Variants in NDST4 observed in about 807,000 individuals in gnomAD.
NDST4 encodes N-deacetylase and N-sulfotransferase 4.
Under a neutral mutation model 100.8 loss-of-function variants are expected in NDST4, and 63 were observed. The observed-to-expected ratio is 0.62, with a 90% CI of 0.51 to 0.77. NDST4 has a LOEUF of 0.77. Ranked by LOEUF, NDST4 falls within the 30% of genes least tolerant of loss-of-function variation. The probability of loss-of-function intolerance (pLI) is 0.00; values close to 1 mark genes in which losing one functional copy is unlikely to be tolerated. For missense variants in NDST4, 943 were observed against 1,018.4 expected (o/e 0.93, Z 1.01); for synonymous variants, 377 against 361.8 (o/e 1.04, Z -0.48).
chr4:114,834,539 A>T (rs1723270597), intron 11 of NDST4, among the ~76,000 whole-genome samples: 1 of 151,152 alleles, frequency 6.6e-6, no homozygotes, highest in Non-Finnish European at 1.5e-5. Flanking sequence ...AAAAAAAGGA[A>T]TACTGGAAAA....
chr4:114,985,962 C>T (rs1461118905), intron 2 of NDST4, among the ~76,000 whole-genome samples: 1 of 152,052 alleles, frequency 6.6e-6, no homozygotes, highest in African/African-American at 2.4e-5. Flanking sequence ...AACTTAGCGT[C>T]GTTAATTTCA....
At chr4:114,963,033 A>G (rs975732083) in intron 4 of NDST4, among the ~76,000 whole-genome samples, 1 of 152,108 alleles carries the variant, frequency 6.6e-6, no homozygotes, top group Non-Finnish European at 1.5e-5. Flanking sequence ...AAAGTTAGTG[A>G]CCCAGTAATT....
At chr4:114,876,126 G>T (rs2126198936) in intron 6 of NDST4, among the ~76,000 whole-genome samples, 1 of 152,240 alleles carries the variant, frequency 6.6e-6, no homozygotes, top group South Asian at 2.1e-4. Context: ...TCTTTGCAGA[G>T]CAAGAAGAGA....
At chr4:115,002,713 GA>G (rs775541768) in intron 2 of NDST4, among the ~76,000 whole-genome samples, 27 of 152,108 alleles carry the variant, frequency 1.8e-4, no homozygotes, top group Admixed American at 1.0e-3. Context: ...TTTGACCCAG[GA>G]ATCCCATTAC....
chr4:114,917,367 G>A (rs1215202405), intron 6 of NDST4, among the ~76,000 whole-genome samples: 1 of 152,140 alleles, frequency 6.6e-6, no homozygotes, highest in Non-Finnish European at 1.5e-5. Flanking sequence ...TTCAACCTTG[G>A]AAGCTGATGG....
chr4:115,076,379 A>G lies in NDST4; in HGVS notation c.658T>C (p.Trp220Arg). 1 of 1,613,970 alleles carries G rather than the reference A, an allele frequency of 6.2e-7. No individual in the cohort carries two copies. Among genetic ancestry groups the G allele is most frequent in the Non-Finnish European group, 8.5e-7 (1 of 1,179,942 alleles). Reference protein sequence around the residue: ...VEKGPLPGEDWTIFQYNHSTY... With the variant: ...VEKGPLPGEDRTIFQYNHSTY... Reference sequence around the variant, plus strand: ...GAATGATTATATTGGAAAATAGTCCAGTCTTCCCCAGGAAGAGGGCCTTTC... The same window carrying G: ...GAATGATTATATTGGAAAATAGTCCGGTCTTCCCCAGGAAGAGGGCCTTTC... Residue 220 changes from tryptophan (W) to arginine (R), a missense_variant, in exon 2 of 14, where the codon TGG becomes CGG. Physicochemically the swap from Trp to Arg is moderately radical, Grantham distance 101. Coordinates refer to ENST00000264363, the MANE Select transcript of NDST4 (RefSeq NM_022569.3).
intron 6 of NDST4, among the ~76,000 whole-genome samples, chr4:114,902,350 C>T (rs750427655): frequency 3.9e-4 from 59 of 152,030 alleles, no homozygotes; most frequent in South Asian, 2.1e-4. Context: ...ATATTTCTCA[C>T]AGTACAGAAT....
rs962893363 is a variant in NDST4 at position 114,833,726 on chromosome 4, A to G, written c.2287-11T>C. 1.5e-5 allele frequency: 23 copies of G among 1,562,632 alleles called. No homozygotes were observed. In the East Asian group the frequency reaches 5.2e-4, roughly 35 times the overall value. On this transcript the variant is annotated splice_polypyrimidine_tract_variant and intron_variant, in intron 11 of 13. Transcript: ENST00000264363. Reference sequence around the variant, plus strand: ...ATCAATAATTAGCAACTGTAAAGTCAGAAATAGTCACTTTATGAAGAAAAA... The same window carrying G: ...ATCAATAATTAGCAACTGTAAAGTCGGAAATAGTCACTTTATGAAGAAAAA...
chr4:114,996,527 C>T (rs1727166777), intron 2 of NDST4, among the ~76,000 whole-genome samples: 1 of 151,940 alleles, frequency 6.6e-6, no homozygotes, highest in Non-Finnish European at 1.5e-5. Flanking sequence ...ATAAGAACAC[C>T]TTTAAGTAAT....
At chr4:115,048,839 A>T (rs951893765) in intron 2 of NDST4, among the ~76,000 whole-genome samples, 1 of 151,868 alleles carries the variant, frequency 6.6e-6, no homozygotes, top group South Asian at 2.1e-4. Context: ...GGGTTTCAAC[A>T]TGTTGGCCAG....
chr4:115,078,979 C>T (rs1157815302), intron 1 of NDST4, among the ~76,000 whole-genome samples: 2 of 151,988 alleles, frequency 1.3e-5, no homozygotes, highest in South Asian at 2.1e-4. Flanking sequence ...TAAAGCTCTT[C>T]TTCATAAATT....
chr4:114,922,083 TCGGGTGATGGTCAGG>T (rs1389089279), intron 6 of NDST4, among the ~76,000 whole-genome samples: 1 of 152,112 alleles, frequency 6.6e-6, no homozygotes, highest in Admixed American at 6.6e-5. Flanking sequence ...CCGGCCACCA[TCGGGTGATGGTCAGG>T]CGGTTGTTAA....
intron 2 of NDST4, among the ~76,000 whole-genome samples, chr4:115,034,176 G>A (rs1475219788): frequency 6.6e-6 from 1 of 151,966 alleles, no homozygotes; most frequent in Non-Finnish European, 1.5e-5. Context: ...TTTCCTGCTG[G>A]CTCAAAAAAA....
chr4:114,843,227 C>T (rs1484822165), intron 10 of NDST4, among the ~76,000 whole-genome samples: 1 of 152,188 alleles, frequency 6.6e-6, no homozygotes. Context: ...CAGGAACCAC[C>T]AGACAGCTAG....
At chr4:115,004,706 T>C (rs1727375085) in intron 2 of NDST4, among the ~76,000 whole-genome samples, 1 of 152,158 alleles carries the variant, frequency 6.6e-6, no homozygotes, top group African/African-American at 2.4e-5. Context: ...CTATAACAGG[T>C]GTATTAGTCC....
chr4:114,856,418 C>T (rs1723794451), intron 7 of NDST4, among the ~76,000 whole-genome samples: 1 of 151,896 alleles, frequency 6.6e-6, no homozygotes, highest in African/African-American at 2.4e-5. Context: ...ATATTAGAGA[C>T]CAAATATTTT....
intron 7 of NDST4, among the ~76,000 whole-genome samples, chr4:114,859,976 G>A (rs986325630): frequency 2.0e-5 from 3 of 152,122 alleles, no homozygotes; most frequent in Non-Finnish European, 4.4e-5. Flanking sequence ...AAAATTAAAA[G>A]GCACTCTTGA....
chr4:115,012,142 A>G (rs1727561187), intron 2 of NDST4, among the ~76,000 whole-genome samples: 1 of 151,984 alleles, frequency 6.6e-6, no homozygotes, highest in Admixed American at 6.6e-5. Flanking sequence ...ACCAATAAAC[A>G]GGCAACAATT....
chr4:115,047,920 T>C (rs2126277406), intron 2 of NDST4, among the ~76,000 whole-genome samples: 1 of 151,964 alleles, frequency 6.6e-6, no homozygotes, highest in East Asian at 1.9e-4. Context: ...TATTTGATTT[T>C]TTTCAACCTT....
Sources: gnomAD v4.1 joint callset for allele counts (sites outside exome capture counted in the v4.1 genomes callset) on GRCh38, gnomAD v4.1.1 for gene constraint, MANE v1.5 for transcripts, NCBI Gene and HGNC (gene_info 2026-07-23, HGNC 2026-07-21) for gene names.